Variants in IMMP2L observed in about 807,000 individuals in gnomAD.
The protein encoded by IMMP2L is mitochondrial inner membrane protease subunit 2.
Under a neutral mutation model 19.3 loss-of-function variants are expected in IMMP2L, and 18 were observed. The ratio of observed to expected loss-of-function variants is 0.93; its 90% confidence interval spans 0.64 to 1.38. The LOEUF is 1.38. Ranked by LOEUF, IMMP2L falls within the 40% of genes most tolerant of loss-of-function variation. The pLI is 0.00. For synonymous variants in IMMP2L, 76 were observed against 73.0 expected (o/e 1.04, Z -0.21); for missense variants, 233 against 218.2 (o/e 1.07, Z -0.43).
chr7:110,995,330 T>C (rs1238973847), intron 3 of IMMP2L, among the ~76,000 whole-genome samples: 1 of 152,144 alleles, frequency 6.6e-6, no homozygotes, highest in Non-Finnish European at 1.5e-5. Flanking sequence ...AGGAGAAAAC[T>C]TGAGTTAATA....
intron 3 of IMMP2L, among the ~76,000 whole-genome samples, chr7:111,234,369 T>C (rs1814054998): frequency 6.6e-6 from 1 of 152,116 alleles, no homozygotes; most frequent in Admixed American, 6.6e-5. Flanking sequence ...GTCTACTCTG[T>C]CCATCAATTA....
intron 4 of IMMP2L, among the ~76,000 whole-genome samples, chr7:110,933,195 G>C (rs1459560887): frequency 6.6e-6 from 1 of 152,168 alleles, no homozygotes; most frequent in Non-Finnish European, 1.5e-5. Context: ...GACATAGCTG[G>C]ACTGAGGTGA....
intron 3 of IMMP2L, among the ~76,000 whole-genome samples, chr7:111,471,489 G>A (rs530057887): frequency 1.6e-4 from 25 of 152,080 alleles, no homozygotes; most frequent in Non-Finnish European, 3.4e-4. Context: ...CACTTGAAAT[G>A]CAACTAGTCC....
chr7:110,864,692 T>C (rs1478331266), intron 5 of IMMP2L, among the ~76,000 whole-genome samples: 1 of 152,104 alleles, frequency 6.6e-6, no homozygotes, highest in East Asian at 1.9e-4. Flanking sequence ...ATAATCTCTT[T>C]GAACTTCTTA....
chr7:111,487,514 G>T (rs1053343194), intron 2 of IMMP2L, among the ~76,000 whole-genome samples, 173 bp from the exon 3 acceptor site: 4 of 152,130 alleles, frequency 2.6e-5, no homozygotes, highest in African/African-American at 9.7e-5. Flanking sequence ...GGCTCACTGG[G>T]ATTCTTCACA....
intron 5 of IMMP2L, among the ~76,000 whole-genome samples, chr7:110,788,416 T>C (rs1430929541): frequency 1.3e-5 from 2 of 149,550 alleles, no homozygotes; most frequent in Non-Finnish European, 2.9e-5. Flanking sequence ...ACCACTCTCT[T>C]AGTAGCACTG....
intron 5 of IMMP2L, among the ~76,000 whole-genome samples, chr7:110,866,859 T>A (rs577151891): frequency 1.3e-4 from 20 of 152,238 alleles, no homozygotes; most frequent in African/African-American, 4.8e-4. Context: ...CTGCCATGGC[T>A]GTATTTTACA....
At chr7:110,700,866 T>A (rs531493861) in intron 5 of IMMP2L, among the ~76,000 whole-genome samples, 5 of 152,240 alleles carry the variant, frequency 3.3e-5, no homozygotes, top group Non-Finnish European at 7.3e-5. Flanking sequence ...ACTGATATAG[T>A]ATGTATAATT....
intron 3 of IMMP2L, among the ~76,000 whole-genome samples, chr7:111,115,473 G>A (rs1188975687): frequency 6.6e-6 from 1 of 151,828 alleles, no homozygotes; most frequent in East Asian, 1.9e-4. Flanking sequence ...ATACAGAAAT[G>A]ACTACCCCAA....
intron 1 of IMMP2L, among the ~76,000 whole-genome samples, chr7:111,538,883 G>A (rs568237819): frequency 6.7e-6 from 1 of 150,178 alleles, no homozygotes; most frequent in Non-Finnish European, 1.5e-5. Flanking sequence ...AATTTTGGGA[G>A]GCTGAGGTGG....
chr7:111,168,914 T>A (rs1806129685), intron 3 of IMMP2L, among the ~76,000 whole-genome samples: 1 of 151,778 alleles, frequency 6.6e-6, no homozygotes, highest in South Asian at 2.1e-4. Context: ...ACAACAAAAA[T>A]TTTTGTCTCA....
At chr7:110,842,244 T>G (rs1347472717) in intron 5 of IMMP2L, among the ~76,000 whole-genome samples, 2 of 152,214 alleles carry the variant, frequency 1.3e-5, no homozygotes, top group Admixed American at 1.3e-4. Flanking sequence ...CAATAATTTA[T>G]TTTTGTTTAT....
At chr7:111,367,071 G>A (rs1001546686) in intron 3 of IMMP2L, among the ~76,000 whole-genome samples, 15 of 150,696 alleles carry the variant, frequency 1.0e-4, no homozygotes, top group Admixed American at 1.3e-4. Context: ...GTGAGAGAGA[G>A]GAATAGGAGA....
intron 3 of IMMP2L, among the ~76,000 whole-genome samples, chr7:111,071,998 A>C (rs142211205): frequency 1.4e-4 from 21 of 152,298 alleles, no homozygotes; most frequent in African/African-American, 5.1e-4. Flanking sequence ...CAAATGAGTG[A>C]AAATGTTAAA....
At chr7:111,284,472 T>C (rs1820273274) in intron 3 of IMMP2L, among the ~76,000 whole-genome samples, 1 of 152,056 alleles carries the variant, frequency 6.6e-6, no homozygotes, top group Admixed American at 6.6e-5. Flanking sequence ...AAAAAATGTA[T>C]TTAGTTCATG....
chr7:111,361,165 G>A (rs944025839), intron 3 of IMMP2L, among the ~76,000 whole-genome samples: 7 of 151,990 alleles, frequency 4.6e-5, no homozygotes, highest in Non-Finnish European at 1.0e-4. Flanking sequence ...TTTTCTATAT[G>A]TACAAAATGC....
At chr7:110,958,347 TAAAC>T (rs1376574221) in intron 4 of IMMP2L, among the ~76,000 whole-genome samples, 1 of 151,992 alleles carries the variant, frequency 6.6e-6, no homozygotes, top group Admixed American at 6.6e-5. Context: ...TCTACAAAAA[TAAAC>T]ACACAGGTGT....
intron 3 of IMMP2L, among the ~76,000 whole-genome samples, chr7:110,972,406 A>G (rs1820233368): frequency 6.6e-6 from 1 of 152,120 alleles, no homozygotes; most frequent in African/African-American, 2.4e-5. Flanking sequence ...TAAATTAAAT[A>G]TCTCCTATTC....
intron 3 of IMMP2L, among the ~76,000 whole-genome samples, chr7:111,101,349 G>A (rs1797955899): frequency 6.6e-6 from 1 of 151,308 alleles, no homozygotes; most frequent in African/African-American, 2.4e-5. Context: ...GATACAACAA[G>A]CAGAATCATA....
Sources: allele counts gnomAD v4.1 joint callset (sites outside exome capture counted in the v4.1 genomes callset), GRCh38; gene constraint gnomAD v4.1.1; transcripts MANE v1.5; gene names NCBI Gene and HGNC (gene_info 2026-07-23, HGNC 2026-07-21).